BPGM: variants seen among roughly 807,000 people sequenced by gnomAD.
BPGM encodes the protein 2,3-bisphosphoglycerate mutase, erythrocyte.
In BPGM, 15 loss-of-function variants were observed where a neutral mutation model predicts 21.6. The observed-to-expected ratio is 0.70, with a 90% CI of 0.47 to 1.07. The LOEUF is 1.07. BPGM is among the 50% of genes least tolerant of loss of function. BPGM has a pLI of 0.00. For missense variants in BPGM, 273 were observed against 319.0 expected, an observed-to-expected ratio of 0.86 and a Z score of 1.10; for synonymous variants, 113 against 116.2, an observed-to-expected ratio of 0.97 and a Z score of 0.18.
Position 134,674,844 on chromosome 7 carries a change from C to T in BPGM, c.602-4009C>T, listed in dbSNP as rs367795571. ...ACAAAAGGAATTGCCAGACTGTTTT[C>T]GAAAGAGGCTATAGCCTTTTGCATA... On this transcript the variant is annotated intron_variant, in intron 2 of 2. Coordinates refer to ENST00000344924, the MANE Select transcript of BPGM (RefSeq NM_001724.5). 1.5e-3 allele frequency among the ~76,000 whole-genome samples: 227 copies of T among 152,240 alleles called. 5 individuals carry two copies. The South Asian group carries it at 0.042, about 28-fold the overall frequency.
chr7:134,650,290 A>C (rs949829446), intron 1 of BPGM, among the ~76,000 whole-genome samples: 1 of 152,222 alleles, frequency 6.6e-6, no homozygotes, highest in African/African-American at 2.4e-5. Context: ...TGGAACATGC[A>C]ACATGCCCTG....
chr7:134,652,706 C>T (rs558540628), intron 1 of BPGM, among the ~76,000 whole-genome samples: 1 of 152,306 alleles, frequency 6.6e-6, no homozygotes, highest in Non-Finnish European at 1.5e-5. Flanking sequence ...TTAGCTCCCA[C>T]ATATGAGTGA....
At chr7:134,647,595 G>A (rs1453216949) in intron 1 of BPGM, among the ~76,000 whole-genome samples, 1 of 152,170 alleles carries the variant, frequency 6.6e-6, no homozygotes, top group Non-Finnish European at 1.5e-5. Context: ...ATAGTTGGTT[G>A]TTAGCTAACT....
At chr7:134,651,079 G>T (rs893164612) in intron 1 of BPGM, among the ~76,000 whole-genome samples, 1 of 152,104 alleles carries the variant, frequency 6.6e-6, no homozygotes, top group East Asian at 1.9e-4. Context: ...CTTGCAGTGG[G>T]GGTTAAAAGT....
chr7:134,652,398 C>T (rs1379099807), intron 1 of BPGM, among the ~76,000 whole-genome samples: 1 of 152,056 alleles, frequency 6.6e-6, no homozygotes, highest in Admixed American at 6.6e-5. Context: ...TGTTTTGGTA[C>T]AGATATACAA....
At chr7:134,648,856 A>C (rs959984450) in intron 1 of BPGM, among the ~76,000 whole-genome samples, 2 of 152,308 alleles carry the variant, frequency 1.3e-5, no homozygotes, top group African/African-American at 4.8e-5. Flanking sequence ...CTGAGATATA[A>C]ACTCTGTATT....
At chr7:134,647,724 A>C (rs1315972431) in intron 1 of BPGM, among the ~76,000 whole-genome samples, 1 of 152,222 alleles carries the variant, frequency 6.6e-6, no homozygotes, top group Non-Finnish European at 1.5e-5. Flanking sequence ...GAAAAATCAA[A>C]AGCTAAGTTT....
At chr7:134,672,132 G>A (rs1795914393) in intron 2 of BPGM, among the ~76,000 whole-genome samples, 1 of 151,974 alleles carries the variant, frequency 6.6e-6, no homozygotes, top group African/African-American at 2.4e-5. Context: ...GCTACTTCCT[G>A]GACTTATTAC....
At chr7:134,670,065 A>G (rs1176774660) in intron 2 of BPGM, among the ~76,000 whole-genome samples, 1 of 152,206 alleles carries the variant, frequency 6.6e-6, no homozygotes, top group Admixed American at 6.5e-5. Context: ...CGTCCAAGGA[A>G]AAGCCAGGTA....
intron 1 of BPGM, among the ~76,000 whole-genome samples, chr7:134,655,398 C>T (rs1356993575): frequency 2.0e-5 from 3 of 151,970 alleles, no homozygotes; most frequent in African/African-American, 7.2e-5. Context: ...CTGGAGATAC[C>T]CCTGTGAAGT....
chr7:134,659,798 A>G (rs1795701551), intron 1 of BPGM, among the ~76,000 whole-genome samples: 1 of 152,204 alleles, frequency 6.6e-6, no homozygotes, highest in Non-Finnish European at 1.5e-5. Context: ...GATCGTGTAA[A>G]TGATGGTGGC....
At chr7:134,655,476 G>A (rs1385179733) in intron 1 of BPGM, among the ~76,000 whole-genome samples, 1 of 152,178 alleles carries the variant, frequency 6.6e-6, no homozygotes, top group African/African-American at 2.4e-5. Flanking sequence ...GAAGGCAGAA[G>A]ACCAGGGTTG....
intron 2 of BPGM, among the ~76,000 whole-genome samples, chr7:134,667,676 G>A (rs1288941877): frequency 6.6e-6 from 1 of 152,146 alleles, no homozygotes; most frequent in Non-Finnish European, 1.5e-5. Flanking sequence ...TATTATAAAA[G>A]TAAAAACACT....
At chr7:134,648,944 A>C (rs1795512850) in intron 1 of BPGM, among the ~76,000 whole-genome samples, 1 of 152,226 alleles carries the variant, frequency 6.6e-6, no homozygotes, top group South Asian at 2.1e-4. Flanking sequence ...ATCTATTAGC[A>C]AGTAAAAGTT....
chr7:134,662,022 G>T lies in BPGM; in HGVS notation c.515G>T (p.Arg172Met), dbSNP rs778462618. The change falls in exon 2 of 3, where the codon AGG becomes ATG. Residue 172 changes from arginine to methionine, a missense_variant. Physicochemically the swap from Arg to Met is moderately conservative, Grantham distance 91. Transcript: ENST00000344924. ...LERLLPYWNE[R>M]IAPEVLRGKT... ...AGACTCCTTCCCTATTGGAATGAAAGGATTGCTCCCGAAGTATTACGTGGC... is the reference window on the plus strand; with the variant it reads ...AGACTCCTTCCCTATTGGAATGAAATGATTGCTCCCGAAGTATTACGTGGC... 15 of 1,614,024 alleles carry T rather than the reference G, an allele frequency of 9.3e-6. No individual in the cohort carries two copies. The highest frequency in any genetic ancestry group is 1.3e-5 in the Non-Finnish European group (15 of 1,180,022).
intron 2 of BPGM, among the ~76,000 whole-genome samples, chr7:134,675,523 A>G (rs979428694): frequency 6.6e-6 from 1 of 152,010 alleles, no homozygotes; most frequent in Non-Finnish European, 1.5e-5. Flanking sequence ...TCTGCATTTC[A>G]TTGTCTTGGC....
intron 1 of BPGM, among the ~76,000 whole-genome samples, chr7:134,655,737 C>G (rs937809317): frequency 6.6e-6 from 1 of 152,210 alleles, no homozygotes; most frequent in African/African-American, 2.4e-5. Context: ...ACCACTAAAA[C>G]TCTCAAGCCT....
chr7:134,669,249 C>T (rs1363838112), intron 2 of BPGM, among the ~76,000 whole-genome samples: 5 of 152,160 alleles, frequency 3.3e-5, no homozygotes, highest in Non-Finnish European at 5.9e-5. Context: ...CTCAAGGCTT[C>T]AGGAGCCATC....
At chr7:134,656,398 G>C (rs1795638911) in intron 1 of BPGM, among the ~76,000 whole-genome samples, 1 of 152,118 alleles carries the variant, frequency 6.6e-6, no homozygotes, top group South Asian at 2.1e-4. Flanking sequence ...AATAATTTTT[G>C]TATGGATCAT....
Sources: gnomAD v4.1 joint callset for allele counts (sites outside exome capture counted in the v4.1 genomes callset) on GRCh38, gnomAD v4.1.1 for gene constraint, MANE v1.5 for transcripts, NCBI Gene and HGNC (gene_info 2026-07-23, HGNC 2026-07-21) for gene names.